PARP8: variants seen among roughly 807,000 people sequenced by gnomAD.
PARP8 encodes protein mono-ADP-ribosyltransferase PARP8.
In PARP8, 51 loss-of-function variants were observed where a neutral mutation model predicts 124.1. The observed-to-expected ratio is 0.41, with a 90% CI of 0.33 to 0.52. PARP8 has a LOEUF of 0.52. Ranked by LOEUF, PARP8 falls within the 20% of genes least tolerant of loss-of-function variation. PARP8 has a pLI of 0.21. For missense variants in PARP8, 860 were observed against 1,018.9 expected, an observed-to-expected ratio of 0.84 and a Z score of 2.12; for synonymous variants, 391 against 361.5, an observed-to-expected ratio of 1.08 and a Z score of -0.93.
chr5:50,707,652 AGAGAG>A (rs1754295440), intron 2 of PARP8, among the ~76,000 whole-genome samples: 2 of 151,652 alleles, frequency 1.3e-5, no homozygotes, highest in Non-Finnish European at 2.9e-5. Context: ...AGAGAGAGAG[AGAGAG>A]AGAGAGAAAA....
chr5:50,806,267 G>A (rs1743830655), intron 14 of PARP8, among the ~76,000 whole-genome samples: 1 of 151,962 alleles, frequency 6.6e-6, no homozygotes, highest in South Asian at 2.1e-4. Context: ...TGACAGAATG[G>A]CACCAGGCAG....
Position 50,667,301 on chromosome 5 carries a change from A to G in PARP8, c.91+115A>G. Reference sequence around the variant, plus strand: ...GTTGCACGTCCCCATTCTGGGGTTCATTTGGCAACAGCTGCTGCAACGAGC... The same window carrying G: ...GTTGCACGTCCCCATTCTGGGGTTCGTTTGGCAACAGCTGCTGCAACGAGC... On this transcript the variant is annotated intron_variant, in intron 1 of 25. Transcript: ENST00000281631. The G allele has an allele frequency of 3.7e-6, 4 of 1,092,228 alleles. No homozygotes were observed. The South Asian group carries it at 3.8e-5, about 10-fold the overall frequency. The allele number at this position is 1,092,228 out of a possible 1,614,324, so 67.7% of individuals were successfully genotyped here.
At chr5:50,686,033 C>T (rs1474557827) in intron 2 of PARP8, among the ~76,000 whole-genome samples, 1 of 152,226 alleles carries the variant, frequency 6.6e-6, no homozygotes, top group Non-Finnish European at 1.5e-5. Context: ...CCAATCATGC[C>T]TTCCCAACAG....
intron 2 of PARP8, among the ~76,000 whole-genome samples, chr5:50,719,238 A>G (rs1454836143): frequency 2.0e-5 from 3 of 151,964 alleles, no homozygotes; most frequent in Non-Finnish European, 2.9e-5. Context: ...GTAGTTTGCA[A>G]ATATTTTCTT....
At chr5:50,753,898 C>A (rs1759527543) in intron 3 of PARP8, among the ~76,000 whole-genome samples, 1 of 151,328 alleles carries the variant, frequency 6.6e-6, no homozygotes, top group Non-Finnish European at 1.5e-5. Flanking sequence ...CTCCCCAAGT[C>A]TCAAGTGTTC....
chr5:50,707,727 G>A (rs1754308094), intron 2 of PARP8, among the ~76,000 whole-genome samples: 1 of 151,756 alleles, frequency 6.6e-6, no homozygotes, highest in African/African-American at 2.4e-5. Flanking sequence ...TGTTTTCTTT[G>A]GGGAGTTAGG....
chr5:50,709,042 C>A (rs1754453092), intron 2 of PARP8, among the ~76,000 whole-genome samples: 1 of 152,118 alleles, frequency 6.6e-6, no homozygotes. Flanking sequence ...CCACCTCAGC[C>A]TCCCAAAGTG....
rs117919766 is a variant in PARP8, at chr5:50,710,343, C to T, written c.147-39808C>T. ...CTTTCATGGATCTTTTCTTAGAATC[C>T]ATCTCCCACTGACTTTTATCTATAT... On this transcript the variant is annotated intron_variant, in intron 2 of 25. Transcript: ENST00000281631. 3.1e-3 allele frequency among the ~76,000 whole-genome samples: 470 copies of T among 151,994 alleles called. 9 individuals are homozygous for T. In the East Asian group the frequency reaches 0.079, roughly 26 times the overall value.
At chr5:50,783,773 C>T (rs572528386) in intron 9 of PARP8, among the ~76,000 whole-genome samples, 17 of 152,248 alleles carry the variant, frequency 1.1e-4, no homozygotes, top group African/African-American at 3.1e-4. Flanking sequence ...ATTTCAATTG[C>T]GTGGCTCTAC....
chr5:50,827,135 T>G lies in PARP8; in HGVS notation c.1977+332T>G, dbSNP rs150259768. ...TGCTTTATAATCGTTGTCAGTTTCA[T>G]GTTGGCACATTTCCACTTTTCTACA... On this transcript the variant is annotated intron_variant, in intron 19 of 25. Transcript: ENST00000281631. Among the ~76,000 whole-genome samples the G allele has an allele frequency of 3.9e-5, 6 of 152,296 alleles. No homozygotes were observed. The East Asian group carries it at 1.2e-3, about 29-fold the overall frequency.
Position 50,815,481 on chromosome 5 carries a change from G to T in PARP8, c.1625G>T (p.Gly542Val). The change falls in exon 15 of 26, where the codon GGA (glycine) becomes GTA (valine). Residue 542 changes from glycine to valine, a missense_variant. Gly to Val is a moderately radical substitution (Grantham distance 109, BLOSUM62 -3). Transcript: ENST00000281631. ...ELCVFAFQTL[G>V]VMNEAADEIA... ...TGTGTGTTTGCTTTTCAAACCCTGG[G>T]AGTAATGAATGAAGCTGCTGATGAA... is the stretch of plus-strand genomic sequence containing the variant. The T allele has an allele frequency of 6.3e-7, 1 of 1,599,522 alleles. No individual in the cohort carries two copies. Among genetic ancestry groups the T allele is most frequent in the Non-Finnish European group, 8.5e-7 (1 of 1,173,716 alleles).
intron 14 of PARP8, among the ~76,000 whole-genome samples, chr5:50,803,692 G>T (rs1472470418): frequency 1.3e-5 from 2 of 151,892 alleles, no homozygotes; most frequent in Non-Finnish European, 2.9e-5. Context: ...TGTTGACATT[G>T]TCTTTTCTTC....
In PARP8 at chr5:50,815,480, G is replaced by A. The variant is rs774691301; in HGVS notation, c.1624G>A (p.Gly542Arg). The A allele has an allele frequency of 6.3e-7, 1 of 1,599,194 alleles. No individual in the cohort carries two copies. Among genetic ancestry groups the A allele is most frequent in the Non-Finnish European group, 8.5e-7 (1 of 1,173,564 alleles). Residue 542 changes from glycine to arginine, a missense_variant, in exon 15 of 26, where the codon GGA (glycine) becomes AGA (arginine). Transcript: ENST00000281631. The part of the protein sequence containing the change: ...ELCVFAFQTL[G>R]VMNEAADEIA... ...GTGTGTGTTTGCTTTTCAAACCCTG[G>A]GAGTAATGAATGAAGCTGCTGATGA...
chr5:50,741,894 C>T (rs1040006094), intron 2 of PARP8: 2 of 439,002 alleles, frequency 4.6e-6, no homozygotes, highest in Admixed American at 5.1e-5. Context: ...ACTGCAACCT[C>T]CGCCTCCCAG....
At chr5:50,796,928 A>T in intron 12 of PARP8, 54 bp from the exon 13 acceptor site, 1 of 1,444,802 alleles carries the variant, frequency 6.9e-7, no homozygotes, top group South Asian at 1.3e-5. Flanking sequence ...CCTGTAATTT[A>T]TACATTTTTA....
At chr5:50,808,586 T>A (rs1304790010) in intron 14 of PARP8, among the ~76,000 whole-genome samples, 2 of 152,036 alleles carry the variant, frequency 1.3e-5, no homozygotes, top group East Asian at 1.9e-4. Flanking sequence ...GGGAGATGTG[T>A]GACCTTCTAT....
At chr5:50,704,643 A>G (rs1753945179) in intron 2 of PARP8, among the ~76,000 whole-genome samples, 1 of 152,182 alleles carries the variant, frequency 6.6e-6, no homozygotes, top group Non-Finnish European at 1.5e-5. Context: ...TTAGTGTAAT[A>G]AAAAGAATGT....
chr5:50,742,122 C>T (rs1758113749), intron 2 of PARP8, among the ~76,000 whole-genome samples: 1 of 152,142 alleles, frequency 6.6e-6, no homozygotes, highest in Admixed American at 6.5e-5. Flanking sequence ...ATTTTATTTT[C>T]TAGAAGGAGA....
intron 2 of PARP8, among the ~76,000 whole-genome samples, chr5:50,732,196 C>T (rs1271855730): frequency 6.6e-6 from 1 of 152,090 alleles, no homozygotes; most frequent in Non-Finnish European, 1.5e-5. Context: ...TTACTCATCA[C>T]TGGCAGTAGA....
Sources: allele counts gnomAD v4.1 joint callset (sites outside exome capture counted in the v4.1 genomes callset), GRCh38; gene constraint gnomAD v4.1.1; transcripts MANE v1.5; gene names NCBI Gene and HGNC (gene_info 2026-07-23, HGNC 2026-07-21).